The following CDH13 variants were observed in gnomAD, a reference collection of about 807,000 sequenced individuals.
The protein encoded by CDH13 is cadherin 13.
Under a neutral mutation model 63.8 loss-of-function variants are expected in CDH13, and 24 were observed. The ratio of observed to expected loss-of-function variants is 0.38; its 90% CI spans 0.27 to 0.53. The LOEUF (loss-of-function observed/expected upper bound fraction) is 0.53. Among genes scored for constraint, CDH13 ranks in the 20% least tolerant of loss-of-function variants. CDH13 has a pLI of 0.85. For missense variants in CDH13, 1,049 were observed against 903.1 expected (o/e 1.16, Z -2.07); for synonymous variants, 503 against 355.3 (o/e 1.42, Z -4.67).
chr16:83,414,132 G>T (rs1018312361), intron 6 of CDH13, among the ~76,000 whole-genome samples: 1 of 152,112 alleles, frequency 6.6e-6, no homozygotes, highest in African/African-American at 2.4e-5. Context: ...CTCTGAAAAG[G>T]TACCAAAAAT....
chr16:83,493,921 G>C (rs2074076881), intron 7 of CDH13, among the ~76,000 whole-genome samples: 1 of 152,170 alleles, frequency 6.6e-6, no homozygotes, highest in Non-Finnish European at 1.5e-5. Context: ...ATGGAGATAA[G>C]AGCTGAGGAG....
intron 6 of CDH13, among the ~76,000 whole-genome samples, chr16:83,478,643 C>T (rs1226641999): frequency 6.6e-6 from 1 of 152,082 alleles, no homozygotes; most frequent in African/African-American, 2.4e-5. Flanking sequence ...CCAGACCTTG[C>T]CTTAGGCCTA....
rs1288368694 is a variant in CDH13, at chr16:82,842,131, TATATATAC to T, written c.46-16229_46-16222del. 1.5e-3 allele frequency among the ~76,000 whole-genome samples: 75 copies of T among 48,602 alleles called. 3 individuals carry two copies. Among genetic ancestry groups the T allele is most frequent in the Non-Finnish European group, 2.5e-3 (52 of 20,804 alleles). The allele number at this position is 48,602 out of a possible 152,430, so 31.9% of individuals were successfully genotyped here. A position where few individuals can be genotyped will look rare whatever the true frequency, so the allele number is the denominator to read the frequency against. ...ATATATGTATATATATATATATATA[TATATATAC>T]ACATATATATATATATATATATATA... On this transcript the variant is annotated intron_variant, in intron 1 of 13. Transcript: ENST00000567109.
chr16:83,155,138 C>T (rs1195899300), intron 4 of CDH13, among the ~76,000 whole-genome samples: 2 of 152,214 alleles, frequency 1.3e-5, no homozygotes, highest in Non-Finnish European at 2.9e-5. Flanking sequence ...AAGAAGCAAT[C>T]TTTGAAAGCA....
At chr16:82,772,389 C>T (rs937678118) in intron 1 of CDH13, among the ~76,000 whole-genome samples, 2 of 152,104 alleles carry the variant, frequency 1.3e-5, no homozygotes, top group African/African-American at 4.8e-5. Flanking sequence ...TACTGCAGCA[C>T]TCATGTATAC....
At chr16:83,086,003 G>C (rs955416325) in intron 3 of CDH13, among the ~76,000 whole-genome samples, 1 of 152,184 alleles carries the variant, frequency 6.6e-6, no homozygotes, top group Non-Finnish European at 1.5e-5. Context: ...TCTCAAATCA[G>C]CACAGCCTTC....
At chr16:83,736,655 G>C (rs1335679753) in intron 10 of CDH13, among the ~76,000 whole-genome samples, 2 of 152,118 alleles carry the variant, frequency 1.3e-5, no homozygotes, top group East Asian at 3.9e-4. Context: ...GGGTGGGGGA[G>C]GGCAGTGGCA....
intron 1 of CDH13, among the ~76,000 whole-genome samples, chr16:82,843,600 T>C (rs1279046629): frequency 1.3e-5 from 2 of 152,186 alleles, no homozygotes; most frequent in East Asian, 1.9e-4. Flanking sequence ...AAGATAGACA[T>C]TTTAGTTCAA....
intron 7 of CDH13, among the ~76,000 whole-genome samples, chr16:83,489,216 T>C (rs2073957560): frequency 6.6e-6 from 1 of 152,218 alleles, no homozygotes; most frequent in Non-Finnish European, 1.5e-5. Flanking sequence ...TTTTAAAGTT[T>C]ATTTTAGGGG....
intron 6 of CDH13, among the ~76,000 whole-genome samples, chr16:83,361,438 A>G (rs2091159752): frequency 2.0e-5 from 3 of 152,114 alleles, no homozygotes; most frequent in Admixed American, 1.3e-4. Flanking sequence ...GTTTAATTAA[A>G]TCCCACTTGT....
At chr16:82,964,350 G>A (rs1370812036) in intron 2 of CDH13, among the ~76,000 whole-genome samples, 2 of 152,154 alleles carry the variant, frequency 1.3e-5, no homozygotes, top group Admixed American at 6.5e-5. Flanking sequence ...TCAAGTACAC[G>A]ACATCTCAAA....
intron 11 of CDH13, among the ~76,000 whole-genome samples, chr16:83,778,152 C>G (rs1035461246): frequency 6.6e-6 from 1 of 152,190 alleles, no homozygotes; most frequent in African/African-American, 2.4e-5. Flanking sequence ...GAGCAAACCT[C>G]TAATGCACAA....
intron 8 of CDH13, among the ~76,000 whole-genome samples, chr16:83,646,712 A>AAAAAAAAACAC (rs1168012793): frequency 0.02 from 1,581 of 80,150 alleles, 188 homozygotes; most frequent in East Asian, 0.032. Context: ...AAAAAAAAAA[A>AAAAAAAAACAC]ACACACACAC....
intron 1 of CDH13, chr16:82,824,438 A>T (rs1274839698): frequency 1.3e-5 from 2 of 152,202 alleles, no homozygotes; most frequent in African/African-American, 4.8e-5. Context: ...ATTAGAATAT[A>T]ATGAATTTGC....
chr16:83,162,635 A>G (rs1360437083), intron 4 of CDH13, among the ~76,000 whole-genome samples: 1 of 150,938 alleles, frequency 6.6e-6, no homozygotes, highest in Non-Finnish European at 1.5e-5. Context: ...CTCAAATTTC[A>G]GGTTGCCTAA....
At chr16:82,662,622 C>G (rs1912090031) in intron 1 of CDH13, among the ~76,000 whole-genome samples, 1 of 152,188 alleles carries the variant, frequency 6.6e-6, no homozygotes, top group South Asian at 2.1e-4. Context: ...TCCTGAATGT[C>G]CTGAATGTTG....
intron 10 of CDH13, among the ~76,000 whole-genome samples, chr16:83,724,090 G>A (rs1438821593): frequency 6.6e-6 from 1 of 151,642 alleles, no homozygotes; most frequent in Non-Finnish European, 1.5e-5. Flanking sequence ...AGTGTGGAAA[G>A]CATGGGTGGG....
At chr16:83,146,972 C>T (rs2036777988) in intron 4 of CDH13, among the ~76,000 whole-genome samples, 1 of 152,100 alleles carries the variant, frequency 6.6e-6, no homozygotes, top group African/African-American at 2.4e-5. Context: ...CTTGTAATCT[C>T]AGCTACCCAG....
At chr16:82,651,209 GAA>G (rs1327674233) in intron 1 of CDH13, among the ~76,000 whole-genome samples, 1 of 152,194 alleles carries the variant, frequency 6.6e-6, no homozygotes, top group African/African-American at 2.4e-5. Flanking sequence ...TAACAAATAA[GAA>G]ATAACTTTTA....
Sources: allele counts gnomAD v4.1 joint callset (sites outside exome capture counted in the v4.1 genomes callset), GRCh38; gene constraint gnomAD v4.1.1; transcripts MANE v1.5; gene names NCBI Gene and HGNC (gene_info 2026-07-23, HGNC 2026-07-21).